Variants in CA10 observed in about 807,000 individuals in gnomAD.
CA10 encodes the protein carbonic anhydrase-related protein 10.
In CA10, 14 loss-of-function variants were observed where a neutral mutation model predicts 44.2. The observed-to-expected ratio is 0.32, with a 90% CI of 0.21 to 0.50. CA10 has a LOEUF of 0.50. CA10 is among the 20% of genes least tolerant of loss of function. The pLI is 0.99. For missense variants in CA10, 350 were observed against 409.7 expected (o/e 0.85, Z 1.26); for synonymous variants, 159 against 141.6 (o/e 1.12, Z -0.87).
chr17:51,771,549 C>T (rs978429492), intron 3 of CA10, among the ~76,000 whole-genome samples: 7 of 152,146 alleles, frequency 4.6e-5, no homozygotes, highest in East Asian at 1.9e-4. Context: ...CTGGAGACTC[C>T]GATTTTCCAT....
rs796110214 is a variant in CA10 at position 51,961,876 on chromosome 17, G to A, written c.137-30744C>T. On this transcript the variant is annotated intron_variant, in intron 2 of 8. Coordinates refer to ENST00000451037, the MANE Select transcript of CA10 (RefSeq NM_020178.5). ...CAGATCTCCGGGCATTCAAAGCACC[G>A]GCTCACCCGGATTGACAGCCTGAGC... Among the ~76,000 whole-genome samples the A allele has an allele frequency of 9.9e-5, 15 of 151,962 alleles. 2 individuals are homozygous for A. The highest frequency in any genetic ancestry group is 5.8e-4 in the East Asian group (3 of 5,150).
At chr17:51,649,315 C>T (rs965464990) in intron 5 of CA10, 61 bp from the exon 6 acceptor site, 35 of 1,184,224 alleles carry the variant, frequency 3.0e-5, no homozygotes, top group East Asian at 4.7e-5. Flanking sequence ...AACATCTCCC[C>T]GTGACATTCA....
intron 3 of CA10, among the ~76,000 whole-genome samples, chr17:51,772,037 C>T (rs973349724): frequency 6.6e-6 from 1 of 152,144 alleles, no homozygotes; most frequent in Non-Finnish European, 1.5e-5. Context: ...GTGGAGTGCT[C>T]TGCATTGCTG....
chr17:51,673,150 T>C (rs901127188), intron 4 of CA10, among the ~76,000 whole-genome samples: 1 of 152,168 alleles, frequency 6.6e-6, no homozygotes, highest in South Asian at 2.1e-4. Context: ...GGTTGAGCAG[T>C]GATGAGAAAA....
chr17:52,068,670 TA>T (rs1347889206), intron 2 of CA10, among the ~76,000 whole-genome samples: 1 of 152,178 alleles, frequency 6.6e-6, no homozygotes, highest in Non-Finnish European at 1.5e-5. Flanking sequence ...TTACGTCACT[TA>T]ACACAATAAG....
At chr17:51,737,878 G>C (rs185979554) in intron 4 of CA10, among the ~76,000 whole-genome samples, 131 of 152,268 alleles carry the variant, frequency 8.6e-4, no homozygotes, top group Non-Finnish European at 1.5e-3. Context: ...CTGCAGAGAT[G>C]GGGATAGATT....
chr17:51,643,416 C>A (rs1177296063), intron 6 of CA10, among the ~76,000 whole-genome samples: 5 of 152,152 alleles, frequency 3.3e-5, no homozygotes, highest in African/African-American at 1.2e-4. Context: ...TGATTTTAGT[C>A]TTAACCCCCA....
At chr17:51,800,697 A>G (rs1906893837) in intron 3 of CA10, among the ~76,000 whole-genome samples, 1 of 152,230 alleles carries the variant, frequency 6.6e-6, no homozygotes, top group Non-Finnish European at 1.5e-5. Context: ...TATAAGACAT[A>G]TCTTAATTTT....
chr17:51,718,178 A>T (rs928940239), intron 4 of CA10, among the ~76,000 whole-genome samples: 2 of 151,610 alleles, frequency 1.3e-5, no homozygotes, highest in African/African-American at 2.4e-5. Context: ...GAACTTAGTC[A>T]TGTAACCAAA....
chr17:52,123,041 A>G (rs1222769973), intron 1 of CA10, among the ~76,000 whole-genome samples: 3 of 152,126 alleles, frequency 2.0e-5, no homozygotes, highest in Non-Finnish European at 4.4e-5. Context: ...TTTGCCAATC[A>G]TATATTCTGA....
At chr17:52,017,729 G>C (rs1231948653) in intron 2 of CA10, among the ~76,000 whole-genome samples, 2 of 152,082 alleles carry the variant, frequency 1.3e-5, no homozygotes, top group African/African-American at 2.4e-5. Context: ...CAGGAGAATA[G>C]ACCAAGCAGG....
intron 3 of CA10, among the ~76,000 whole-genome samples, chr17:51,803,209 G>C (rs754553332): frequency 2.0e-5 from 3 of 152,158 alleles, no homozygotes; most frequent in Non-Finnish European, 4.4e-5. Context: ...ATGGGTTTGG[G>C]GTTTCTGCCT....
chr17:51,771,603 T>C (rs1471632208), intron 3 of CA10, among the ~76,000 whole-genome samples: 2 of 152,180 alleles, frequency 1.3e-5, no homozygotes, highest in South Asian at 4.1e-4. Flanking sequence ...GTTCTGCCTT[T>C]CCCCCTTTTG....
intron 3 of CA10, among the ~76,000 whole-genome samples, chr17:51,821,943 A>C (rs1907818542): frequency 6.6e-6 from 1 of 152,010 alleles, no homozygotes; most frequent in Non-Finnish European, 1.5e-5. Context: ...ACCTGTGGTC[A>C]CCCCTTTCCA....
At chr17:51,996,590 C>T (rs1985245106) in intron 2 of CA10, among the ~76,000 whole-genome samples, 1 of 152,034 alleles carries the variant, frequency 6.6e-6, no homozygotes, top group African/African-American at 2.4e-5. Flanking sequence ...TCAGGATACA[C>T]AAAACTTTCC....
intron 3 of CA10, among the ~76,000 whole-genome samples, chr17:51,772,225 A>G (rs941775555): frequency 1.3e-5 from 2 of 152,248 alleles, no homozygotes; most frequent in African/African-American, 4.8e-5. Flanking sequence ...TACATAACAC[A>G]TAATAATTAC....
At chr17:51,968,275 C>T (rs1984154778) in intron 2 of CA10, among the ~76,000 whole-genome samples, 1 of 151,876 alleles carries the variant, frequency 6.6e-6, no homozygotes, top group Admixed American at 6.6e-5. Context: ...CAGCATTCTT[C>T]ATTATCACCC....
intron 4 of CA10, among the ~76,000 whole-genome samples, chr17:51,704,112 T>C (rs1464981626): frequency 6.6e-6 from 1 of 152,226 alleles, no homozygotes; most frequent in Non-Finnish European, 1.5e-5. Flanking sequence ...CATCCATCCA[T>C]GTACTAACCC....
chr17:52,052,116 T>C (rs1242144061), intron 2 of CA10, among the ~76,000 whole-genome samples: 4 of 151,060 alleles, frequency 2.6e-5, no homozygotes, highest in Non-Finnish European at 5.9e-5. Flanking sequence ...CAATACATAC[T>C]GGGGCCTTTC....
Sources: allele counts gnomAD v4.1 joint callset (sites outside exome capture counted in the v4.1 genomes callset), GRCh38; gene constraint gnomAD v4.1.1; transcripts MANE v1.5; gene names NCBI Gene and HGNC (gene_info 2026-07-23, HGNC 2026-07-21).